Variants in TCF3 observed in about 807,000 individuals in gnomAD.
TCF3 encodes the protein transcription factor E2-alpha.
A neutral mutation model predicts 72.3 loss-of-function variants in TCF3; 54 were observed. The observed-to-expected ratio is 0.75, with a 90% CI of 0.60 to 0.94. TCF3 has a LOEUF of 0.94. Among genes scored for constraint, TCF3 ranks in the 40% least tolerant of loss-of-function variants. The pLI is 0.00. For synonymous variants in TCF3, 525 were observed against 412.6 expected, an observed-to-expected ratio of 1.27 and a Z score of -3.30; for missense variants, 1,078 against 934.4, an observed-to-expected ratio of 1.15 and a Z score of -2.00.
intron 8 of TCF3, among the ~76,000 whole-genome samples, chr19:1,623,382 CT>C (rs371876498): frequency 0.021 from 2,766 of 129,822 alleles, 69 homozygotes; most frequent in African/African-American, 0.062. Context: ...GCACCCCCCG[CT>C]TTTTTTTTTT....
intron 18 of TCF3, among the ~76,000 whole-genome samples, chr19:1,613,763 T>C (rs2061276182): frequency 6.6e-6 from 1 of 151,580 alleles, no homozygotes; most frequent in Admixed American, 6.6e-5. Context: ...TCCCCTACAG[T>C]GAACTCCGGC....
chr19:1,634,535 G>A (rs1366911295), intron 3 of TCF3, among the ~76,000 whole-genome samples: 1 of 152,224 alleles, frequency 6.6e-6, no homozygotes, highest in Non-Finnish European at 1.5e-5. Context: ...CACCTGCCTG[G>A]GCTGCCGTGA....
At chr19:1,641,347 T>G (rs946401252) in intron 3 of TCF3, among the ~76,000 whole-genome samples, 1 of 152,262 alleles carries the variant, frequency 6.6e-6, no homozygotes, top group Non-Finnish European at 1.5e-5. Flanking sequence ...CTGGGCACAG[T>G]GGCTCACACA....
chr19:1,621,095 G>T (rs2146086698), intron 12 of TCF3, 38 bp downstream of exon 12: 1 of 1,524,126 alleles, frequency 6.6e-7, no homozygotes, highest in East Asian at 2.5e-5. Flanking sequence ...GGCCTCTCAG[G>T]TCACTTGCCT....
chr19:1,617,390 A>G (rs2061660175), intron 16 of TCF3, among the ~76,000 whole-genome samples: 1 of 152,252 alleles, frequency 6.6e-6, no homozygotes, highest in African/African-American at 2.4e-5. Flanking sequence ...AGAACACGCT[A>G]GTGGGACGCC....
Position 1,619,173 on chromosome 19 carries a change from G to T in TCF3, c.1388C>A (p.Ala463Glu). The T allele has an allele frequency of 1.2e-6, 2 of 1,600,298 alleles. No homozygotes were observed. The highest frequency in any genetic ancestry group is 1.1e-5 in the South Asian group (1 of 91,044). Residue 463 changes from alanine to glutamate, a missense_variant, in exon 16 of 19, where the codon GCG becomes GAG. By Grantham distance (107) the Ala-to-Glu change is moderately radical. Coordinates refer to ENST00000262965, the MANE Select transcript of TCF3 (RefSeq NM_003200.5). ...GGTGCCTGGCTGGCTGGGGAGGGCC[G>T]CGTGGTTGTGCATGAGGCTGGTGCT... Reference protein sequence around the residue: ...AGSTSLMHNHAALPSQPGTLP... With the variant: ...AGSTSLMHNHEALPSQPGTLP...
chr19:1,626,449 A>C (rs1264434185), intron 6 of TCF3, among the ~76,000 whole-genome samples: 1 of 141,548 alleles, frequency 7.1e-6, no homozygotes, highest in East Asian at 2.0e-4. Flanking sequence ...ACTCCGTCTC[A>C]AAAAAAAAAA....
Position 1,615,475 on chromosome 19 carries a change from G to C in TCF3, c.1632C>G (p.Ala544=). ...EDDLLPPEQK[A]EREKERRVAN... ...CCACCCGGCGCTCCTTCTCCCGCTC[G>C]GCCTTCTGCTCTGGGGGGAGAAGGT... Residue 544 remains alanine (A), a synonymous_variant, in exon 18 of 19, where the codon GCC becomes GCG. Coordinates refer to ENST00000262965, the MANE Select transcript of TCF3 (RefSeq NM_003200.5). The surrounding 1 kb of genome is among the most constrained non-coding windows in gnomAD (Gnocchi z 7.3). 6.8e-6 allele frequency: 11 copies of C among 1,611,770 alleles called. No individual in the cohort carries two copies. The highest frequency in any genetic ancestry group is 9.3e-6 in the Non-Finnish European group (11 of 1,179,922).
chr19:1,637,698 C>A (rs2145194512), intron 3 of TCF3, among the ~76,000 whole-genome samples: 1 of 152,250 alleles, frequency 6.6e-6, no homozygotes, highest in South Asian at 2.1e-4. Flanking sequence ...TCACGAGGTC[C>A]AGAAATCAAG....
intron 1 of TCF3, chr19:1,651,087 G>T (rs1032955823): frequency 3.0e-5 from 7 of 232,354 alleles, no homozygotes; most frequent in African/African-American, 1.5e-4. Context: ...TCAAGACCAG[G>T]GTGCTCCCGC....
intron 3 of TCF3, 85 bp from the exon 4 acceptor site, chr19:1,632,490 C>G: frequency 1.4e-6 from 2 of 1,406,300 alleles, no homozygotes; most frequent in Middle Eastern, 4.0e-4. Context: ...AGGGGCAAAC[C>G]TCAGTGGACC....
intron 18 of TCF3, among the ~76,000 whole-genome samples, chr19:1,613,521 A>C (rs1017698870): frequency 2.6e-5 from 4 of 152,006 alleles, no homozygotes; most frequent in African/African-American, 4.8e-5. Flanking sequence ...CAAGATGATG[A>C]CTTTCCCTGC....
chr19:1,646,568 G>C, intron 2 of TCF3, 141 bp from the exon 3 acceptor site: 1 of 711,114 alleles, frequency 1.4e-6, no homozygotes, highest in South Asian at 1.8e-5. Context: ...GGCCCGTCCT[G>C]CTCCGCCCCA....
At chr19:1,632,783 GTC>G (rs373680252) in intron 3 of TCF3, among the ~76,000 whole-genome samples, 34 of 152,294 alleles carry the variant, frequency 2.2e-4, no homozygotes, top group African/African-American at 8.2e-4. Context: ...GTGGACTGGG[GTC>G]TCTGTGTCAG....
At chr19:1,625,553 T>C in intron 7 of TCF3, 23 bp downstream of exon 7, 1 of 1,547,622 alleles carries the variant, frequency 6.5e-7, no homozygotes, top group Non-Finnish European at 8.7e-7. Context: ...AAGCCCCCGA[T>C]GCCCCGGCCA....
intron 1 of TCF3, among the ~76,000 whole-genome samples, chr19:1,652,033 G>A (rs1268041224): frequency 1.3e-5 from 2 of 150,214 alleles, no homozygotes; most frequent in African/African-American, 2.4e-5. Flanking sequence ...GCCCCCGCCC[G>A]GGGCTGCTTA....
In TCF3 at chr19:1,625,463, T is replaced by A. The variant is rs774727189; in HGVS notation, c.499+113A>T. ...GAGCGCCCGACGTCCAGCCAGGACC[T>A]GGAAGGTGCGGGGTCTGCTCCCTCT... On this transcript the variant is annotated intron_variant, in intron 7 of 18. Coordinates refer to ENST00000262965, the MANE Select transcript of TCF3 (RefSeq NM_003200.5). The A allele has an allele frequency of 3.0e-4, 394 of 1,302,478 alleles. 1 individual carries two copies. The highest frequency in any genetic ancestry group is 1.7e-3 in the Middle Eastern group (6 of 3,514). 80.7% of individuals were successfully genotyped at this position (1,302,478 alleles called of 1,614,324 possible).
At chr19:1,645,291 G>A (rs1373724185) in intron 3 of TCF3, among the ~76,000 whole-genome samples, 2 of 152,050 alleles carry the variant, frequency 1.3e-5, no homozygotes, top group Non-Finnish European at 2.9e-5. Flanking sequence ...TCCCCGGAAA[G>A]ATGCTGATGT....
chr19:1,640,896 C>A (rs914333368), intron 3 of TCF3, among the ~76,000 whole-genome samples: 1 of 151,904 alleles, frequency 6.6e-6, no homozygotes, highest in African/African-American at 2.4e-5. Flanking sequence ...CGCCTGTAAT[C>A]CCAGCACTTT....
Sources: gnomAD v4.1 joint callset for allele counts (sites outside exome capture counted in the v4.1 genomes callset) on GRCh38, gnomAD v4.1.1 for gene constraint, Gnocchi (gnomAD v3.1) non-coding constraint, MANE v1.5 for transcripts, NCBI Gene and HGNC (gene_info 2026-07-23, HGNC 2026-07-21) for gene names.